FILIP1: variants seen among roughly 807,000 people sequenced by gnomAD.
FILIP1 encodes the protein filamin A interacting protein 1, also known as filamin-A-interacting protein 1.
Under a neutral mutation model 102.1 loss-of-function variants are expected in FILIP1, and 61 were observed. The ratio of observed to expected loss-of-function variants is 0.60; its 90% confidence interval spans 0.49 to 0.74. FILIP1 has a LOEUF of 0.74. Among genes scored for constraint, FILIP1 ranks in the 30% least tolerant of loss-of-function variants. FILIP1 has a pLI of 0.00. For synonymous variants in FILIP1, 491 were observed against 526.9 expected (o/e 0.93, Z 0.93); for missense variants, 1,314 against 1,441.2 (o/e 0.91, Z 1.43).
chr6:75,425,789 TACTCTCC>T (rs1013636598), intron 1 of FILIP1, among the ~76,000 whole-genome samples: 3 of 152,200 alleles, frequency 2.0e-5, no homozygotes, highest in Admixed American at 6.5e-5. Flanking sequence ...ATGCCTGTTC[TACTCTCC>T]ATATGTATGT....
chr6:75,388,201 G>T (rs1183874448), intron 2 of FILIP1, among the ~76,000 whole-genome samples: 2 of 152,058 alleles, frequency 1.3e-5, no homozygotes, highest in African/African-American at 2.4e-5. Context: ...GTAGATGTGT[G>T]TGTTATTTCT....
chr6:75,405,284 A>G (rs535846179), intron 2 of FILIP1, among the ~76,000 whole-genome samples: 73 of 152,308 alleles, frequency 4.8e-4, no homozygotes, highest in African/African-American at 1.7e-3. Context: ...GTAATTTCAA[A>G]TCAGGAAGCC....
In FILIP1 at chr6:75,406,450, T is replaced by A. The variant is rs188767029; in HGVS notation, c.276+8247A>T. Among the ~76,000 whole-genome samples the A allele has an allele frequency of 1.4e-4, 22 of 152,298 alleles. 1 individual carries two copies. The highest frequency in any genetic ancestry group is 2.1e-4 in the Non-Finnish European group (14 of 68,034). ...TTTCATAATCTTTCCCTCCTTTGTATTCCTGTAATTTATATTGCAATTACC... is the reference window on the plus strand; with the variant it reads ...TTTCATAATCTTTCCCTCCTTTGTAATCCTGTAATTTATATTGCAATTACC... On this transcript the variant is annotated intron_variant, in intron 2 of 5. Coordinates refer to ENST00000237172, the MANE Select transcript of FILIP1 (RefSeq NM_015687.5).
At chr6:75,474,431 C>T (rs143869590) in intron 1 of FILIP1, among the ~76,000 whole-genome samples, 1,713 of 152,238 alleles carry the variant, frequency 0.011, 33 homozygotes, top group African/African-American at 0.039. Context: ...CCTCCTACTA[C>T]CAGAGGACTG....
At chr6:75,440,643 C>T (rs1225385149) in intron 1 of FILIP1, among the ~76,000 whole-genome samples, 1 of 152,144 alleles carries the variant, frequency 6.6e-6, no homozygotes, top group Admixed American at 6.5e-5. Flanking sequence ...GTCTTTGACT[C>T]CATGGACTTC....
At chr6:75,370,838 A>G (rs1036700693) in intron 2 of FILIP1, among the ~76,000 whole-genome samples, 60 of 151,794 alleles carry the variant, frequency 4.0e-4, no homozygotes, top group African/African-American at 1.4e-3. Flanking sequence ...CAGCCCCCCA[A>G]AGTGCTGGGA....
chr6:75,331,508 G>A (rs2149578395), intron 4 of FILIP1, among the ~76,000 whole-genome samples: 1 of 152,276 alleles, frequency 6.6e-6, no homozygotes, highest in East Asian at 1.9e-4. Flanking sequence ...ATATTGCAAG[G>A]CTATGTTAAA....
In FILIP1 at chr6:75,362,795, A is replaced by G. The variant is rs756002884; in HGVS notation, c.399T>C (p.Leu133=). 164 of 1,613,740 alleles carry G rather than the reference A, an allele frequency of 1.0e-4. No homozygotes were observed. The highest frequency in any genetic ancestry group is 1.3e-4 in the Non-Finnish European group (153 of 1,180,010). ...VLRVLHRDAI[L]AQEKSIGEDV... is the part of the protein sequence containing the mutation. ...CTTCTCCTATGGATTTCTCCTGGGC[A>G]AGAATGGCATCTCGGTGCAGGACCC... The change falls in exon 3 of 6, where the codon CTT becomes CTC. Residue 133 remains leucine (L), a synonymous_variant. Coordinates refer to ENST00000237172, the MANE Select transcript of FILIP1 (RefSeq NM_015687.5).
At chr6:75,463,871 A>G (rs1281563490) in intron 1 of FILIP1, among the ~76,000 whole-genome samples, 1 of 152,190 alleles carries the variant, frequency 6.6e-6, no homozygotes, top group Non-Finnish European at 1.5e-5. Context: ...GTTCTAGTTG[A>G]ATTGTTCATA....
At chr6:75,441,775 A>C (rs1778251148) in intron 1 of FILIP1, among the ~76,000 whole-genome samples, 1 of 126,502 alleles carries the variant, frequency 7.9e-6, no homozygotes, top group Non-Finnish European at 1.6e-5. Flanking sequence ...ACTTCCCAGT[A>C]GGGGCAGCCG....
At chr6:75,465,986 G>T (rs951550583) in intron 1 of FILIP1, among the ~76,000 whole-genome samples, 1 of 152,098 alleles carries the variant, frequency 6.6e-6, no homozygotes. Flanking sequence ...TCCTCGAACT[G>T]CCAAGCATGT....
At chr6:75,455,634 A>G (rs1159572652) in intron 1 of FILIP1, among the ~76,000 whole-genome samples, 1 of 152,140 alleles carries the variant, frequency 6.6e-6, no homozygotes, top group Non-Finnish European at 1.5e-5. Flanking sequence ...ACTGAACCCA[A>G]TCAACCCCAG....
chr6:75,454,117 T>A (rs1778738233), intron 1 of FILIP1: 1 of 429,482 alleles, frequency 2.3e-6, no homozygotes, highest in African/African-American at 2.0e-5. Flanking sequence ...GTTTCAGGGA[T>A]GCGTTCTTTA....
chr6:75,318,967 G>C, intron 4 of FILIP1: 1 of 571,548 alleles, frequency 1.7e-6, no homozygotes, highest in South Asian at 1.9e-5. Context: ...TAAAAAGAGT[G>C]AGTTGTGTAC....
At chr6:75,292,056 T>C (rs1376210845) in exon 7 of FILIP1, 2 of 152,178 alleles carry the variant, frequency 1.3e-5, no homozygotes, top group Non-Finnish European at 2.9e-5. Flanking sequence ...AGCTATTACA[T>C]TCATATAAAA....
In FILIP1 at chr6:75,406,949, C is replaced by G. The variant is rs540588993; in HGVS notation, c.276+7748G>C. ...TTGGGATTACAGGTGTGAGCCACCG[C>G]ACCTGGCATCAGCAATGTTTCTTAA... On this transcript the variant is annotated intron_variant, in intron 2 of 5. Coordinates refer to ENST00000237172, the MANE Select transcript of FILIP1 (RefSeq NM_015687.5). 1.6e-3 allele frequency among the ~76,000 whole-genome samples: 243 copies of G among 152,206 alleles called. 2 individuals are homozygous for G. Among genetic ancestry groups the G allele is most frequent in the African/African-American group, 5.2e-3 (216 of 41,544 alleles).
chr6:75,364,359 AG>A lies in FILIP1; in HGVS notation c.277-1443del, dbSNP rs200323799. On this transcript the variant is annotated intron_variant, in intron 2 of 5. Coordinates refer to ENST00000237172, the MANE Select transcript of FILIP1 (RefSeq NM_015687.5). ...TCAGAAAAACGTGCCCACTTTATTC[AG>A]GAGACACAGCCCTGAGTCAGAGCAC... Among the ~76,000 whole-genome samples the A allele has an allele frequency of 7.1e-3, 1,086 of 152,282 alleles. 8 individuals are homozygous for A. Among genetic ancestry groups the A allele is most frequent in the Middle Eastern group, 0.02 (6 of 294 alleles).
At position 75,392,515 on chromosome 6, in the gene FILIP1, A is replaced by T. The variant is rs184604630; in HGVS notation, c.276+22182T>A. ...CTCAGTAAATGACAACCCATTTCCC[A>T]TTTGCTCAGGCAAACAACCTTGGAG... On this transcript the variant is annotated intron_variant, in intron 2 of 5. Coordinates refer to ENST00000237172, the MANE Select transcript of FILIP1 (RefSeq NM_015687.5). Among the ~76,000 whole-genome samples, 35 of 152,242 alleles carry T rather than the reference A, an allele frequency of 2.3e-4. No homozygotes were observed. The East Asian group carries it at 6.2e-3, about 27-fold the overall frequency.
chr6:75,358,926 G>A (rs1250656796), intron 3 of FILIP1, among the ~76,000 whole-genome samples: 1 of 151,346 alleles, frequency 6.6e-6, no homozygotes, highest in East Asian at 2.0e-4. Flanking sequence ...GTTTCACCAT[G>A]TCAGCCAGGA....
Sources: gnomAD v4.1 joint callset for allele counts (sites outside exome capture counted in the v4.1 genomes callset) on GRCh38, gnomAD v4.1.1 for gene constraint, MANE v1.5 for transcripts, NCBI Gene and HGNC (gene_info 2026-07-23, HGNC 2026-07-21) for gene names.